Variants in CDKAL1 observed in about 807,000 individuals in gnomAD.
The protein encoded by CDKAL1 is CDKAL1 threonylcarbamoyladenosine tRNA methylthiotransferase.
In CDKAL1, 32 loss-of-function variants were observed where a neutral mutation model predicts 68.2. The ratio of observed to expected loss-of-function variants is 0.47; its 90% CI spans 0.35 to 0.63. The LOEUF (loss-of-function observed/expected upper bound fraction) is 0.63. Ranked by LOEUF, CDKAL1 falls within the 30% of genes least tolerant of loss-of-function variation. The pLI, the probability that CDKAL1 is intolerant of heterozygous loss-of-function variation, is 0.00. For synonymous variants in CDKAL1, 234 were observed against 244.3 expected (o/e 0.96, Z 0.39); for missense variants, 606 against 696.7 (o/e 0.87, Z 1.47).
rs1466767576 is a variant in CDKAL1 at position 20,853,381 on chromosome 6, AAAAAC to A, written c.742+7213_742+7217del. 3.7e-3 allele frequency among the ~76,000 whole-genome samples: 119 copies of A among 32,516 alleles called. 1 individual carries two copies. Among genetic ancestry groups the A allele is most frequent in the African/African-American group, 0.012 (114 of 9,276 alleles). 21.3% of individuals were successfully genotyped at this position (32,516 alleles called of 152,430 possible). On this transcript the variant is annotated intron_variant, in intron 9 of 15. Coordinates refer to ENST00000274695, the MANE Select transcript of CDKAL1 (RefSeq NM_017774.3). ...GGGCAACAGAGGGGATTTCGTCTCAAAAAACAAAACAAAAAAAAAACAAAAAAAAA... is the reference window on the plus strand; with the variant it reads ...GGGCAACAGAGGGGATTTCGTCTCAAAAAACAAAAAAAAAACAAAAAAAAA...
intron 8 of CDKAL1, among the ~76,000 whole-genome samples, chr6:20,813,791 G>A (rs1776921611): frequency 6.6e-6 from 1 of 152,074 alleles, no homozygotes; most frequent in African/African-American, 2.4e-5. Flanking sequence ...CTGTTCCATT[G>A]TTCTGTATAT....
chr6:20,795,329 C>A (rs1776065800), intron 8 of CDKAL1, among the ~76,000 whole-genome samples: 1 of 152,088 alleles, frequency 6.6e-6, no homozygotes, highest in Non-Finnish European at 1.5e-5. Context: ...TCCAGCCTTT[C>A]TCAGTTCATG....
chr6:20,968,691 C>A (rs1021272124), intron 10 of CDKAL1, among the ~76,000 whole-genome samples: 2 of 151,826 alleles, frequency 1.3e-5, no homozygotes, highest in Admixed American at 1.3e-4. Flanking sequence ...TTGCAGAGCC[C>A]TTCTAGTAAT....
chr6:20,806,191 A>G (rs1477890566), intron 8 of CDKAL1, among the ~76,000 whole-genome samples: 3 of 152,146 alleles, frequency 2.0e-5, no homozygotes, highest in African/African-American at 7.2e-5. Flanking sequence ...TTGTATCCAT[A>G]TGTACTCAAT....
intron 13 of CDKAL1, among the ~76,000 whole-genome samples, chr6:21,130,258 C>T (rs1441838194): frequency 1.6e-5 from 2 of 125,726 alleles, no homozygotes; most frequent in African/African-American, 6.0e-5. Context: ...TAGTTTCGCT[C>T]TTGTTCCCCA....
chr6:20,930,288 T>C (rs1444155289), intron 9 of CDKAL1, among the ~76,000 whole-genome samples: 1 of 152,150 alleles, frequency 6.6e-6, no homozygotes, highest in Non-Finnish European at 1.5e-5. Context: ...GTTTTTGAAC[T>C]CTATAAAAAG....
chr6:21,022,092 G>T (rs1285484523), intron 11 of CDKAL1, among the ~76,000 whole-genome samples: 1 of 152,188 alleles, frequency 6.6e-6, no homozygotes, highest in African/African-American at 2.4e-5. Flanking sequence ...TAGCTGGGCA[G>T]AAGGCTGACC....
At chr6:20,778,226 A>G (rs887651732) in intron 7 of CDKAL1, among the ~76,000 whole-genome samples, 18 of 152,202 alleles carry the variant, frequency 1.2e-4, no homozygotes, top group African/African-American at 3.6e-4. Context: ...ATAGCTAAAG[A>G]GTTCTTAGAT....
At chr6:20,736,725 C>T (rs1451089361) in intron 5 of CDKAL1, among the ~76,000 whole-genome samples, 2 of 151,372 alleles carry the variant, frequency 1.3e-5, no homozygotes, top group Non-Finnish European at 2.9e-5. Context: ...TGAGCCAAGA[C>T]AGCACCATTG....
At chr6:21,118,695 A>G (rs1402610522) in intron 13 of CDKAL1, among the ~76,000 whole-genome samples, 1 of 152,220 alleles carries the variant, frequency 6.6e-6, no homozygotes, top group Admixed American at 6.5e-5. Context: ...AGCTTCTCCT[A>G]ATGATTGTTA....
chr6:20,792,515 G>A (rs974796522), intron 8 of CDKAL1, among the ~76,000 whole-genome samples: 12 of 152,016 alleles, frequency 7.9e-5, no homozygotes, highest in East Asian at 3.9e-4. Flanking sequence ...CTGCTCTTGC[G>A]GAAAACATAA....
At chr6:21,141,439 T>C (rs575831501) in intron 13 of CDKAL1, among the ~76,000 whole-genome samples, 18 of 152,350 alleles carry the variant, frequency 1.2e-4, no homozygotes, top group Non-Finnish European at 1.3e-4. Flanking sequence ...TATGGTTATT[T>C]ACTTTCATGT....
intron 9 of CDKAL1, among the ~76,000 whole-genome samples, chr6:20,885,149 T>G (rs988615005): frequency 5.6e-4 from 85 of 152,328 alleles, no homozygotes; most frequent in Non-Finnish European, 1.1e-3. Flanking sequence ...CACTCCCCTT[T>G]TTTTTGCAGT....
chr6:20,979,309 A>G (rs1487819697), intron 10 of CDKAL1, among the ~76,000 whole-genome samples: 1 of 152,242 alleles, frequency 6.6e-6, no homozygotes, highest in African/African-American at 2.4e-5. Flanking sequence ...ACAACTAATA[A>G]TGTACAATGT....
rs1029452930 is a variant in CDKAL1 at position 20,948,198 on chromosome 6, G to T, written c.743-7221G>T. ...TGCCCAACTAATTTTTTTAGTTTTT[G>T]TAGAGATAGGGTCTTGCTCTGTTGC... On this transcript the variant is annotated intron_variant, in intron 9 of 15. Coordinates refer to ENST00000274695, the MANE Select transcript of CDKAL1 (RefSeq NM_017774.3). Among the ~76,000 whole-genome samples, 5 of 151,778 alleles carry T rather than the reference G, an allele frequency of 3.3e-5. No individual in the cohort carries two copies. In the East Asian group the frequency reaches 5.8e-4, roughly 18 times the overall value.
chr6:20,865,235 G>C (rs1369831448), intron 9 of CDKAL1, among the ~76,000 whole-genome samples: 2 of 152,082 alleles, frequency 1.3e-5, no homozygotes, highest in African/African-American at 4.8e-5. Flanking sequence ...TGTTCCTCAG[G>C]GAAAATGTTG....
chr6:20,545,747 C>T (rs913683006), intron 2 of CDKAL1, among the ~76,000 whole-genome samples: 21 of 152,152 alleles, frequency 1.4e-4, no homozygotes, highest in Non-Finnish European at 2.8e-4. Context: ...CAGGCATAAG[C>T]CACTGTGGCT....
intron 5 of CDKAL1, among the ~76,000 whole-genome samples, chr6:20,686,903 T>G (rs1770653996): frequency 6.6e-6 from 1 of 152,192 alleles, no homozygotes; most frequent in Non-Finnish European, 1.5e-5. Flanking sequence ...GGTTTTGGAT[T>G]TTGTCAAGTG....
At chr6:21,137,052 C>T (rs1775642106) in intron 13 of CDKAL1, among the ~76,000 whole-genome samples, 1 of 152,072 alleles carries the variant, frequency 6.6e-6, no homozygotes, top group Non-Finnish European at 1.5e-5. Flanking sequence ...GTGTCCCACC[C>T]CACACCCTTG....
Sources: allele counts gnomAD v4.1 joint callset (sites outside exome capture counted in the v4.1 genomes callset), GRCh38; gene constraint gnomAD v4.1.1; transcripts MANE v1.5; gene names NCBI Gene and HGNC (gene_info 2026-07-23, HGNC 2026-07-21).